The following GRIN2B variants were observed in gnomAD, a reference collection of about 807,000 sequenced individuals.
GRIN2B encodes the protein glutamate receptor ionotropic, NMDA 2B.
A neutral mutation model predicts 114.5 loss-of-function variants in GRIN2B; 5 were observed. That is an observed-to-expected ratio of 0.04 (90% CI 0.02 to 0.09). The LOEUF (loss-of-function observed/expected upper bound fraction) is 0.09, where lower values mean the gene tolerates loss of function less well. Among genes scored for constraint, GRIN2B ranks in the 10% least tolerant of loss-of-function variants. The pLI is 1.00. For synonymous variants in GRIN2B, 787 were observed against 745.1 expected (o/e 1.06, Z -0.92); for missense variants, 1,108 against 1,943.5 (o/e 0.57, Z 8.08).
At position 13,704,261 on chromosome 12, in the gene GRIN2B, A is replaced by G. The variant is rs148417917; in HGVS notation, c.1011-28402T>C. Reference sequence around the variant, plus strand: ...GCCAGATGGGGGCTACACCACCACCATGCAGAGCCAATGCCAGGGCTTGCG... The same window carrying G: ...GCCAGATGGGGGCTACACCACCACCGTGCAGAGCCAATGCCAGGGCTTGCG... On this transcript the variant is annotated intron_variant, in intron 4 of 13. Coordinates refer to ENST00000609686, the MANE Select transcript of GRIN2B (RefSeq NM_000834.5). 4.2e-3 allele frequency among the ~76,000 whole-genome samples: 642 copies of G among 152,276 alleles called. 7 individuals carry two copies. Among genetic ancestry groups the G allele is most frequent in the African/African-American group, 0.014 (593 of 41,576 alleles).
chr12:13,618,997 G>C (rs977298449), intron 5 of GRIN2B, among the ~76,000 whole-genome samples: 1 of 152,058 alleles, frequency 6.6e-6, no homozygotes, highest in Admixed American at 6.6e-5. Flanking sequence ...AAAAAAAAGA[G>C]ATTGTTTAAT....
chr12:13,732,781 T>G (rs1438355750), intron 4 of GRIN2B, among the ~76,000 whole-genome samples: 1 of 152,208 alleles, frequency 6.6e-6, no homozygotes, highest in Non-Finnish European at 1.5e-5. Flanking sequence ...AAATAGAATC[T>G]GAAACAAAAT....
At chr12:13,690,285 C>CCACACACA (rs72073823) in intron 4 of GRIN2B, among the ~76,000 whole-genome samples, 12,914 of 144,578 alleles carry the variant, frequency 0.089, 730 homozygotes, top group East Asian at 0.25. Context: ...CTATGTCACA[C>CCACACACA]CACACACACA....
intron 2 of GRIN2B, among the ~76,000 whole-genome samples, chr12:13,912,337 G>A (rs1299658450): frequency 1.3e-5 from 2 of 152,232 alleles, no homozygotes; most frequent in Non-Finnish European, 2.9e-5. Flanking sequence ...GAAGAAAGGA[G>A]AAAGTAAGTG....
rs1197659628 is a variant in GRIN2B, at chr12:13,980,184, A to G, written c.-275T>C. On this transcript the variant is annotated 5_prime_UTR_variant, in exon 2 of 14. Transcript: ENST00000609686. ...GAGCAGCTCACAATGCAGAATCCAGAGTAATTATTCCGTGTGCATGTGAGG... is the reference window on the plus strand; with the variant it reads ...GAGCAGCTCACAATGCAGAATCCAGGGTAATTATTCCGTGTGCATGTGAGG... The G allele has an allele frequency of 2.0e-5, 3 of 152,164 alleles. No individual in the cohort carries two copies. Among genetic ancestry groups the G allele is most frequent in the African/African-American group, 7.2e-5 (3 of 41,436 alleles). The allele number at this position is 152,164 out of a possible 1,614,324, so 9.4% of individuals were successfully genotyped here.
At chr12:13,719,788 C>G (rs566200500) in intron 4 of GRIN2B, among the ~76,000 whole-genome samples, 2 of 152,182 alleles carry the variant, frequency 1.3e-5, no homozygotes, top group East Asian at 3.9e-4. Flanking sequence ...GAAATTCTTT[C>G]GTTATTTCGG....
intron 2 of GRIN2B, among the ~76,000 whole-genome samples, chr12:13,898,703 G>A (rs1300378483): frequency 1.3e-5 from 2 of 152,226 alleles, no homozygotes. Flanking sequence ...CCTGAGGTCA[G>A]GAGTTTGAGA....
intron 5 of GRIN2B, among the ~76,000 whole-genome samples, chr12:13,663,073 C>T (rs1949939840): frequency 6.6e-6 from 1 of 152,126 alleles, no homozygotes; most frequent in African/African-American, 2.4e-5. Context: ...CTAGTAGGTT[C>T]CCCGGTGATG....
chr12:13,954,517 G>A (rs1361907156), intron 2 of GRIN2B, among the ~76,000 whole-genome samples: 1 of 152,052 alleles, frequency 6.6e-6, no homozygotes, highest in Admixed American at 6.5e-5. Context: ...TCCAAGTTCA[G>A]GGGAACCACT....
chr12:13,565,186 G>A (rs941592312), intron 13 of GRIN2B, among the ~76,000 whole-genome samples: 2 of 152,136 alleles, frequency 1.3e-5, no homozygotes, highest in Non-Finnish European at 2.9e-5. Flanking sequence ...TAGAATTTTG[G>A]TCACCAAATA....
chr12:13,935,179 A>C (rs1867105038), intron 2 of GRIN2B, among the ~76,000 whole-genome samples: 2 of 152,174 alleles, frequency 1.3e-5, no homozygotes, highest in African/African-American at 4.8e-5. Flanking sequence ...AGTAAGCTTG[A>C]CCCTGTCATA....
chr12:13,828,593 T>C (rs530382310), intron 3 of GRIN2B, among the ~76,000 whole-genome samples: 35 of 152,320 alleles, frequency 2.3e-4, no homozygotes, highest in Middle Eastern at 3.4e-3. Flanking sequence ...TTACTCCTCA[T>C]TGAACCTCAG....
At chr12:13,825,493 A>ATATATATTTTTTTTTT (rs1555144006) in intron 3 of GRIN2B, among the ~76,000 whole-genome samples, 12 of 28,126 alleles carry the variant, frequency 4.3e-4, no homozygotes, top group African/African-American at 5.7e-4. Context: ...ATATATATAT[A>ATATATATTTTTTTTTT]TTTTGTGTGT....
intron 2 of GRIN2B, among the ~76,000 whole-genome samples, chr12:13,906,118 A>G (rs1173762026): frequency 6.6e-6 from 1 of 152,152 alleles, no homozygotes; most frequent in Non-Finnish European, 1.5e-5. Context: ...TTCTTATAGC[A>G]ATTTGATGGT....
At chr12:13,619,869 T>C (rs1214213147) in intron 5 of GRIN2B, among the ~76,000 whole-genome samples, 2 of 152,186 alleles carry the variant, frequency 1.3e-5, no homozygotes, top group African/African-American at 2.4e-5. Context: ...CTTGGACTCC[T>C]ACCCACCACT....
At chr12:13,824,183 G>A (rs990049169) in intron 3 of GRIN2B, among the ~76,000 whole-genome samples, 3 of 152,204 alleles carry the variant, frequency 2.0e-5, no homozygotes, top group African/African-American at 7.2e-5. Context: ...TCCTGGAAGA[G>A]TTTGTGTAGA....
intron 4 of GRIN2B, among the ~76,000 whole-genome samples, chr12:13,738,414 A>G (rs1242900165): frequency 6.6e-6 from 1 of 152,190 alleles, no homozygotes; most frequent in African/African-American, 2.4e-5. Flanking sequence ...AATGCTGTTT[A>G]AAGTCAAATT....
At chr12:13,919,410 C>T (rs1053443433) in intron 2 of GRIN2B, among the ~76,000 whole-genome samples, 1 of 152,174 alleles carries the variant, frequency 6.6e-6, no homozygotes, top group African/African-American at 2.4e-5. Context: ...TTGTTTCTCT[C>T]ACAACTTTTC....
intron 3 of GRIN2B, among the ~76,000 whole-genome samples, chr12:13,808,806 G>C (rs912718521): frequency 6.7e-6 from 1 of 150,254 alleles, no homozygotes; most frequent in Non-Finnish European, 1.5e-5. Flanking sequence ...GGGGGTTCCC[G>C]AGCCCTATAG....
Sources: allele counts gnomAD v4.1 joint callset (sites outside exome capture counted in the v4.1 genomes callset), GRCh38; gene constraint gnomAD v4.1.1; transcripts MANE v1.5; gene names NCBI Gene and HGNC (gene_info 2026-07-23, HGNC 2026-07-21).